The following GRIK4 variants were observed in gnomAD, a reference collection of about 807,000 sequenced individuals.
GRIK4 encodes the protein glutamate receptor ionotropic, kainate 4.
In GRIK4, 40 loss-of-function variants were observed where a neutral mutation model predicts 104.9. The ratio of observed to expected loss-of-function variants is 0.38; its 90% CI spans 0.30 to 0.50. GRIK4 has a LOEUF of 0.50. GRIK4 is among the 20% of genes least tolerant of loss of function. The pLI is 0.93. For missense variants in GRIK4, 1,047 were observed against 1,308.1 expected (o/e 0.80, Z 3.08); for synonymous variants, 485 against 524.9 (o/e 0.92, Z 1.04).
chr11:120,905,192 T>C lies in GRIK4; in HGVS notation c.1273-98T>C. 3.5e-6 allele frequency: 3 copies of C among 856,142 alleles called. No homozygotes were observed. Among genetic ancestry groups the C allele is most frequent in the Non-Finnish European group, 4.0e-6 (2 of 503,524 alleles). 53.0% of individuals were successfully genotyped at this position (856,142 alleles called of 1,614,324 possible). A position where few individuals can be genotyped will look rare whatever the true frequency, so the allele number is the denominator to read the frequency against. The stretch of plus-strand genomic sequence containing the variant: ...ACGTCAGTTTCCTCCTTCTGCCCCA[T>C]GTCCTCCCCGACCCTCTGTGCCCCT... On this transcript the variant is annotated intron_variant, in intron 12 of 20. Transcript: ENST00000527524. The surrounding 1 kb of genome is among the most constrained non-coding windows in gnomAD (Gnocchi z 5.1).
Position 120,940,383 on chromosome 11 carries a change from G to A in GRIK4, c.1513G>A (p.Ala505Thr). Reference sequence around the variant, plus strand: ...GGCTGTGGCAGGCCTCACCATTACAGCTGAACGGGAGAAGGTGATTGATTT... The same window carrying A: ...GGCTGTGGCAGGCCTCACCATTACAACTGAACGGGAGAAGGTGATTGATTT... ...DLAVAGLTIT[A>T]EREKVIDFSK... is the part of the protein sequence containing the mutation. The change falls in exon 14 of 21, where the codon GCT becomes ACT. Residue 505 changes from alanine to threonine, a missense_variant. By Grantham distance (58) the Ala-to-Thr change is moderately conservative. Transcript: ENST00000527524. The surrounding 1 kb of genome is among the most constrained non-coding windows in gnomAD (Gnocchi z 4.3). 6.2e-7 allele frequency: 1 copy of A among 1,613,770 alleles called. No homozygotes were observed. Among genetic ancestry groups the A allele is most frequent in the East Asian group, 2.2e-5 (1 of 44,880 alleles).
intron 3 of GRIK4, among the ~76,000 whole-genome samples, chr11:120,708,468 G>A (rs190230712): frequency 2.0e-5 from 3 of 152,238 alleles, no homozygotes; most frequent in East Asian, 3.9e-4. Flanking sequence ...TAACAGCCAG[G>A]CAGAGACGGG....
At chr11:120,896,945 G>A (rs967408926) in intron 11 of GRIK4, among the ~76,000 whole-genome samples, 6 of 152,208 alleles carry the variant, frequency 3.9e-5, no homozygotes, top group Non-Finnish European at 2.9e-5. Context: ...GCAATGATTT[G>A]CCAGGGGCTC....
chr11:120,817,998 AT>A (rs1441050882), intron 5 of GRIK4, among the ~76,000 whole-genome samples: 2 of 152,244 alleles, frequency 1.3e-5, no homozygotes, highest in African/African-American at 4.8e-5. Context: ...CTCCATTTTA[AT>A]GATGTTTTGA....
At chr11:120,546,321 G>T (rs948526943) in intron 1 of GRIK4, among the ~76,000 whole-genome samples, 4 of 152,170 alleles carry the variant, frequency 2.6e-5, no homozygotes, top group African/African-American at 9.7e-5. Context: ...CACCTTGAGG[G>T]AGATGGGCCA....
rs1303112896 is a variant in GRIK4 at position 120,988,719 on chromosome 11, CTG to C, written c.*2461_*2462del. Reference sequence around the variant, plus strand: ...TCCATTCTGTATTTTCTATCTGACTCTGTATACTGTATAAAGCAGTTTTTTCT... The same window carrying C: ...TCCATTCTGTATTTTCTATCTGACTCTATACTGTATAAAGCAGTTTTTTCT... On this transcript the variant is annotated 3_prime_UTR_variant, in exon 21 of 21. Transcript: ENST00000527524. The C allele has an allele frequency of 2.0e-5, 3 of 152,170 alleles. No homozygotes were observed. Among genetic ancestry groups the C allele is most frequent in the African/African-American group, 7.2e-5 (3 of 41,438 alleles). 9.4% of individuals were successfully genotyped at this position (152,170 alleles called of 1,614,324 possible).
At chr11:120,617,222 T>C (rs1026582100) in intron 1 of GRIK4, among the ~76,000 whole-genome samples, 6 of 152,242 alleles carry the variant, frequency 3.9e-5, no homozygotes, top group Admixed American at 6.5e-5. Flanking sequence ...CAGGGCTATG[T>C]CTGCTTTGCT....
intron 1 of GRIK4, among the ~76,000 whole-genome samples, chr11:120,520,951 A>G (rs895433409): frequency 2.0e-5 from 3 of 152,194 alleles, no homozygotes; most frequent in African/African-American, 7.2e-5. Flanking sequence ...TTCAGAATTA[A>G]AGAAGACAAA....
At chr11:120,857,368 G>A (rs910153446) in intron 8 of GRIK4, among the ~76,000 whole-genome samples, 7 of 152,140 alleles carry the variant, frequency 4.6e-5, no homozygotes, top group African/African-American at 1.2e-4. Context: ...GCCATTATCC[G>A]TGAAGCATTC....
intron 3 of GRIK4, among the ~76,000 whole-genome samples, chr11:120,754,031 G>A (rs1289712237): frequency 1.3e-5 from 2 of 151,980 alleles, no homozygotes; most frequent in Non-Finnish European, 2.9e-5. Flanking sequence ...GCGGATTTTG[G>A]ACATTTCTCT....
Position 120,613,228 on chromosome 11 carries a change from TTC to T in GRIK4, c.-158-40455_-158-40454del, listed in dbSNP as rs1949060600. Among the ~76,000 whole-genome samples, 3 of 152,248 alleles carry T rather than the reference TTC, an allele frequency of 2.0e-5. No individual in the cohort carries two copies. The South Asian group carries it at 6.2e-4, about 32-fold the overall frequency. On this transcript the variant is annotated intron_variant, in intron 1 of 20. Transcript: ENST00000527524. ...TGGCCTTGGGTAAGTTCCTCACACT[TTC>T]TGTTTCTTCTTCTCTTGTGTGGGGT...
At position 120,819,348 on chromosome 11, in the gene GRIK4, G is replaced by A. The variant is rs7940051; in HGVS notation, c.346-407G>A. Reference sequence around the variant, plus strand: ...GGGTAGCGATTTTTCTCTTTCTGCCGTCTCTGCTCTGATGTATTAACTACA... The same window carrying A: ...GGGTAGCGATTTTTCTCTTTCTGCCATCTCTGCTCTGATGTATTAACTACA... On this transcript the variant is annotated intron_variant, in intron 5 of 20. Transcript: ENST00000527524. The surrounding 1 kb of genome is among the most constrained non-coding windows in gnomAD (Gnocchi z 4.3). Among the ~76,000 whole-genome samples, 71,442 of 151,746 alleles carry A rather than the reference G, an allele frequency of 0.47. 17,793 individuals are homozygous for A. Among genetic ancestry groups the A allele is most frequent in the African/African-American group, 0.65 (26,869 of 41,374 alleles).
At chr11:120,838,356 G>A (rs1490540123) in intron 8 of GRIK4, among the ~76,000 whole-genome samples, 1 of 152,180 alleles carries the variant, frequency 6.6e-6, no homozygotes, top group Non-Finnish European at 1.5e-5. Context: ...AAGTAAAAAT[G>A]TATTTTAAAT....
At chr11:120,564,271 G>A (rs1202283900) in intron 1 of GRIK4, among the ~76,000 whole-genome samples, 1 of 152,246 alleles carries the variant, frequency 6.6e-6, no homozygotes, top group Non-Finnish European at 1.5e-5. Context: ...TCATTGAAGC[G>A]CCGGAGCGCA....
intron 1 of GRIK4, among the ~76,000 whole-genome samples, chr11:120,574,694 G>A (rs554061020): frequency 1.5e-3 from 232 of 152,290 alleles, no homozygotes; most frequent in Admixed American, 4.5e-3. Context: ...TGGAGTAGAT[G>A]CTCAATAAAT....
chr11:120,908,428 C>T (rs564194869), intron 13 of GRIK4, among the ~76,000 whole-genome samples: 8 of 101,304 alleles, frequency 7.9e-5, no homozygotes, highest in Admixed American at 6.9e-4. Flanking sequence ...AAATAACACA[C>T]ACACACACAT....
intron 11 of GRIK4, among the ~76,000 whole-genome samples, chr11:120,883,825 G>C (rs1236027246): frequency 6.6e-6 from 1 of 152,238 alleles, no homozygotes; most frequent in African/African-American, 2.4e-5. Flanking sequence ...CCTGAGATCA[G>C]TCTGGGGAAG....
chr11:120,823,931 A>G (rs1953188719), intron 6 of GRIK4, among the ~76,000 whole-genome samples: 1 of 152,202 alleles, frequency 6.6e-6, no homozygotes, highest in African/African-American at 2.4e-5. Flanking sequence ...CAGAAGTTCA[A>G]GGGCACAGAG....
rs146137487 is a variant in GRIK4, at chr11:120,845,650, T to TACAC, written c.744+8833_744+8836dup. Among the ~76,000 whole-genome samples the TACAC allele has an allele frequency of 4.5e-3, 661 of 146,210 alleles. 6 individuals carry two copies. The highest frequency in any genetic ancestry group is 0.011 in the Middle Eastern group (3 of 284). ...ACACACACATCCCTATGCACACTTC[T>TACAC]ACACACACACACACACACACACACA... On this transcript the variant is annotated intron_variant, in intron 8 of 20. Coordinates refer to ENST00000527524, the MANE Select transcript of GRIK4 (RefSeq NM_014619.5).
Sources: gnomAD v4.1 joint callset for allele counts (sites outside exome capture counted in the v4.1 genomes callset) on GRCh38, gnomAD v4.1.1 for gene constraint, Gnocchi (gnomAD v3.1) non-coding constraint, MANE v1.5 for transcripts, NCBI Gene and HGNC (gene_info 2026-07-23, HGNC 2026-07-21) for gene names.